The following ARID4A variants were observed in gnomAD, a reference collection of about 807,000 sequenced individuals.
ARID4A encodes the protein AT-rich interactive domain-containing protein 4A.
A neutral mutation model predicts 148.6 loss-of-function variants in ARID4A; 39 were observed. That is an observed-to-expected ratio of 0.26 (90% CI 0.20 to 0.34). The LOEUF (loss-of-function observed/expected upper bound fraction) is 0.34. Among genes scored for constraint, ARID4A ranks in the 10% least tolerant of loss-of-function variants. The probability of loss-of-function intolerance (pLI) is 1.00; values close to 1 mark genes in which losing one functional copy is unlikely to be tolerated. For missense variants in ARID4A, 1,265 were observed against 1,449.1 expected (o/e 0.87, Z 2.06); for synonymous variants, 475 against 481.2 (o/e 0.99, Z 0.17).
chr14:58,366,282 T>A, intron 22 of ARID4A, 52 bp downstream of exon 22: 1 of 1,305,954 alleles, frequency 7.7e-7, no homozygotes, highest in Non-Finnish European at 1.1e-6. Flanking sequence ...GTGGAATAGA[T>A]CTTAAAATAT....
At chr14:58,313,995 T>A (rs1403061524) in intron 5 of ARID4A, among the ~76,000 whole-genome samples, 1 of 151,022 alleles carries the variant, frequency 6.6e-6, no homozygotes, top group African/African-American at 2.5e-5. Context: ...GCTTTACCAC[T>A]TCTCTAGGTA....
chr14:58,366,900 A>G lies in ARID4A; in HGVS notation c.3541A>G (p.Asn1181Asp), dbSNP rs1466338100. The change falls in exon 23 of 24, where the codon AAC becomes GAC. Residue 1181 changes from asparagine to aspartate, a missense_variant. By Grantham distance (23) the Asn-to-Asp change is conservative. Coordinates refer to ENST00000355431, the MANE Select transcript of ARID4A (RefSeq NM_002892.4). ...CCTTTTAGATGAATTAGATAATATGAACAGTACAGAGAGAATCTCATTTCT... is the reference window on the plus strand; with the variant it reads ...CCTTTTAGATGAATTAGATAATATGGACAGTACAGAGAGAATCTCATTTCT... ...SFQLNELDNM[N>D]STERISFLQE... 19 of 1,504,050 alleles carry G rather than the reference A, an allele frequency of 1.3e-5. No homozygotes were observed. The highest frequency in any genetic ancestry group is 1.7e-5 in the Non-Finnish European group (19 of 1,136,488). 93.2% of individuals were successfully genotyped at this position (1,504,050 alleles called of 1,614,324 possible).
chr14:58,355,068 C>G (rs2034811673), intron 17 of ARID4A, among the ~76,000 whole-genome samples: 1 of 152,186 alleles, frequency 6.6e-6, no homozygotes. Flanking sequence ...TAAGCAACAC[C>G]AAGGCCCAGC....
intron 8 of ARID4A, among the ~76,000 whole-genome samples, chr14:58,324,000 G>A (rs995336236): frequency 1.3e-5 from 2 of 148,710 alleles, no homozygotes; most frequent in African/African-American, 5.0e-5. Context: ...TGCCTTCCGG[G>A]TTCACGCCAT....
rs771151557 is a variant in ARID4A at position 58,332,855 on chromosome 14, ATACTC to A, written c.906+2689_906+2693del. Among the ~76,000 whole-genome samples, 7 of 152,302 alleles carry A rather than the reference ATACTC, an allele frequency of 4.6e-5. 1 individual carries two copies. Among genetic ancestry groups the A allele is most frequent in the Admixed American group, 1.3e-4 (2 of 15,298 alleles). ...TAAGGTTCTCTAAACCACTATAACA[ATACTC>A]TAGTCTGTTATTTGTTGTTTTTAGT... is the stretch of plus-strand genomic sequence containing the variant. On this transcript the variant is annotated intron_variant, in intron 11 of 23. Transcript: ENST00000355431.
intron 11 of ARID4A, among the ~76,000 whole-genome samples, chr14:58,335,663 G>A (rs142004281): frequency 6.6e-6 from 1 of 152,214 alleles, no homozygotes; most frequent in East Asian, 1.9e-4. Context: ...GTGCAAGACT[G>A]CGTTCATCTT....
At chr14:58,358,284 C>A (rs992380105) in intron 17 of ARID4A, among the ~76,000 whole-genome samples, 3 of 152,102 alleles carry the variant, frequency 2.0e-5, no homozygotes, top group African/African-American at 7.2e-5. Flanking sequence ...GCATGGCCAA[C>A]ATGGCGAAAC....
chr14:58,329,769 G>A (rs1171253843), intron 10 of ARID4A, among the ~76,000 whole-genome samples, 165 bp downstream of exon 10: 1 of 151,864 alleles, frequency 6.6e-6, no homozygotes, highest in African/African-American at 2.4e-5. Context: ...TATTTGATTT[G>A]TGATTAGATA....
chr14:58,339,167 A>G (rs750983111), intron 11 of ARID4A, among the ~76,000 whole-genome samples: 29 of 151,246 alleles, frequency 1.9e-4, no homozygotes, highest in Non-Finnish European at 3.5e-4. Context: ...TATAGAGACA[A>G]AGTTTCGCTA....
chr14:58,332,443 T>G (rs1241697026), intron 11 of ARID4A, among the ~76,000 whole-genome samples: 2 of 152,174 alleles, frequency 1.3e-5, no homozygotes, highest in African/African-American at 2.4e-5. Flanking sequence ...CTAATTCTTT[T>G]TCTCTGGCCA....
At chr14:58,299,892 C>T (rs1221064525) in intron 2 of ARID4A, 32 bp downstream of exon 2, 2 of 1,613,888 alleles carry the variant, frequency 1.2e-6, no homozygotes, top group Non-Finnish European at 1.7e-6. Flanking sequence ...CCGATCCTCG[C>T]GCCCTGAACA....
chr14:58,347,557 GCTTTA>G (rs2034432496), intron 14 of ARID4A, 85 bp from the exon 15 acceptor site: 3 of 1,050,490 alleles, frequency 2.9e-6, no homozygotes, highest in Admixed American at 3.1e-5. Flanking sequence ...AAATTACTGG[GCTTTA>G]CTTTTTAAAA....
intron 16 of ARID4A, among the ~76,000 whole-genome samples, chr14:58,352,032 T>C (rs182909938): frequency 9.1e-4 from 139 of 152,318 alleles, no homozygotes; most frequent in Non-Finnish European, 1.6e-3. Flanking sequence ...ATTTACTAAT[T>C]TTAGGACACG....
intron 18 of ARID4A, among the ~76,000 whole-genome samples, chr14:58,360,522 T>C (rs952173737): frequency 6.6e-6 from 1 of 152,240 alleles, no homozygotes; most frequent in African/African-American, 2.4e-5. Flanking sequence ...ATGATAGATA[T>C]CTTTCCTTTC....
At chr14:58,327,716 G>T (rs963302339) in intron 8 of ARID4A, among the ~76,000 whole-genome samples, 1 of 152,036 alleles carries the variant, frequency 6.6e-6, no homozygotes, top group African/African-American at 2.4e-5. Flanking sequence ...CTGTCACCCA[G>T]GCTGGAGTGC....
At chr14:58,360,771 TA>T in intron 18 of ARID4A, 129 bp from the exon 19 acceptor site, 3 of 945,428 alleles carry the variant, frequency 3.2e-6, no homozygotes, top group Non-Finnish European at 3.1e-6. Context: ...GATTCTTCTG[TA>T]AGCACAGACT....
At chr14:58,369,699 A>G (rs2140279321) in intron 23 of ARID4A, among the ~76,000 whole-genome samples, 1 of 152,156 alleles carries the variant, frequency 6.6e-6, no homozygotes, top group Non-Finnish European at 1.5e-5. Flanking sequence ...GAACAGCATC[A>G]AGAGTCTTAC....
chr14:58,322,646 A>G (rs1389562478), intron 7 of ARID4A, among the ~76,000 whole-genome samples: 1 of 152,098 alleles, frequency 6.6e-6, no homozygotes, highest in Non-Finnish European at 1.5e-5. Context: ...CAACATTATC[A>G]ATATATTGCA....
intron 1 of ARID4A, 25 bp from the exon 2 acceptor site, chr14:58,299,762 GATTATGTCTGT>G: frequency 6.4e-7 from 1 of 1,574,624 alleles, no homozygotes. Context: ...GCAGTTGACT[GATTATGTCTGT>G]GCCTGTCTTT....
Sources: gnomAD v4.1 joint callset for allele counts (sites outside exome capture counted in the v4.1 genomes callset) on GRCh38, gnomAD v4.1.1 for gene constraint, MANE v1.5 for transcripts, NCBI Gene and HGNC (gene_info 2026-07-23, HGNC 2026-07-21) for gene names.